Variants in CACNA1B observed in about 807,000 individuals in gnomAD.
CACNA1B encodes the protein calcium voltage-gated channel subunit alpha1 B.
In CACNA1B, 70 loss-of-function variants were observed where a neutral mutation model predicts 247.2. The observed-to-expected ratio is 0.28, with a 90% confidence interval of 0.23 to 0.35. The LOEUF is 0.35. Among genes scored for constraint, CACNA1B ranks in the 10% least tolerant of loss-of-function variants. The pLI, the probability that CACNA1B is intolerant of heterozygous loss-of-function variation, is 1.00. For synonymous variants in CACNA1B, 1,231 were observed against 1,294.4 expected (o/e 0.95, Z 1.05); for missense variants, 2,367 against 3,197.4 (o/e 0.74, Z 6.26).
chr9:137,939,718 G>A (rs1957709402), intron 6 of CACNA1B, among the ~76,000 whole-genome samples: 1 of 151,840 alleles, frequency 6.6e-6, no homozygotes, highest in Non-Finnish European at 1.5e-5. Flanking sequence ...AAGGAGAATG[G>A]CATGAACCCG....
Position 138,120,250 on chromosome 9 carries a change from C to T in CACNA1B, c.6116C>T (p.Pro2039Leu), listed in dbSNP as rs199894458. The T allele has an allele frequency of 3.6e-5, 58 of 1,603,724 alleles. No individual in the cohort carries two copies. The highest frequency in any genetic ancestry group is 1.0e-4 in the Admixed American group (6 of 59,322). The change falls in exon 45 of 47, where the codon CCG (proline) becomes CTG (leucine). Residue 2039 changes from proline (P) to leucine (L), a missense_variant. This residue lies in a region of CACNA1B where 773 missense variants were observed against 779.4 expected (regional missense o/e 0.99). Coordinates refer to ENST00000371372, the MANE Select transcript of CACNA1B (RefSeq NM_000718.4). ...GGGACTCATCTTTGCAGCACCACCC[C>T]GGACCGCCCACCCCCTAGCCAGGCG... The part of the protein sequence containing the change: ...PRGTHLCSTT[P>L]DRPPPSQASS...
chr9:137,908,373 A>G (rs1957320543), intron 3 of CACNA1B, among the ~76,000 whole-genome samples: 1 of 151,756 alleles, frequency 6.6e-6, no homozygotes, highest in Non-Finnish European at 1.5e-5. Context: ...AAAATTAGCC[A>G]GGTATGGTGG....
At chr9:137,911,825 G>C (rs547280226) in intron 3 of CACNA1B, among the ~76,000 whole-genome samples, 1 of 152,192 alleles carries the variant, frequency 6.6e-6, no homozygotes, top group Non-Finnish European at 1.5e-5. Flanking sequence ...CCCTGGATGC[G>C]CGTTAGAGGC....
intron 31 of CACNA1B, among the ~76,000 whole-genome samples, chr9:138,064,647 C>G (rs1959850998): frequency 6.6e-6 from 1 of 152,234 alleles, no homozygotes; most frequent in African/African-American, 2.4e-5. Context: ...GGCTGATTAG[C>G]CACCACTGTG....
intron 6 of CACNA1B, among the ~76,000 whole-genome samples, chr9:137,931,939 C>T (rs1303395693): frequency 1.3e-5 from 2 of 152,170 alleles, no homozygotes; most frequent in African/African-American, 4.8e-5. Context: ...CCCCATGACT[C>T]AGACAGCTGT....
intron 10 of CACNA1B, among the ~76,000 whole-genome samples, chr9:137,960,340 G>T (rs370485439): frequency 2.0e-5 from 3 of 147,590 alleles, no homozygotes; most frequent in Admixed American, 6.8e-5. Context: ...GTAGGGGAGC[G>T]GGAAGGGGAG....
chr9:137,877,813 C>G lies in CACNA1B; in HGVS notation c.-121C>G. 1 of 455,210 alleles carries G rather than the reference C, an allele frequency of 2.2e-6. No individual in the cohort carries two copies. Among genetic ancestry groups the G allele is most frequent in the East Asian group, 1.5e-4 (1 of 6,650 alleles). 28.2% of individuals were successfully genotyped at this position (455,210 alleles called of 1,614,324 possible). On this transcript the variant is annotated 5_prime_UTR_variant, in exon 1 of 47. Coordinates refer to ENST00000371372, the MANE Select transcript of CACNA1B (RefSeq NM_000718.4). ...GGCGGCGGCGGCTGCGGCGGTGGGG[C>G]CGGGCGAGGTCCGCTGCGGTCCCGG...
At position 138,054,493 on chromosome 9, in the gene CACNA1B, C is replaced by T. The variant is rs1309720216; in HGVS notation, c.3968+487C>T. Among the ~76,000 whole-genome samples the T allele has an allele frequency of 3.3e-5, 5 of 152,228 alleles. No homozygotes were observed. Among genetic ancestry groups the T allele is most frequent in the African/African-American group, 1.2e-4 (5 of 41,464 alleles). On this transcript the variant is annotated intron_variant, in intron 26 of 46. Transcript: ENST00000371372. This position sits in a 1 kb window ranked among gnomAD's most constrained non-coding sequence, Gnocchi z 4.6. ...AGCTGGGGGAAAGCTGGTTAGCTGC[C>T]TGTGTGGACCCCGGGCAAGGCAGTA...
At chr9:138,005,980 T>C (rs1000873445) in intron 15 of CACNA1B, among the ~76,000 whole-genome samples, 4 of 150,044 alleles carry the variant, frequency 2.7e-5, no homozygotes, top group Admixed American at 2.7e-4. Flanking sequence ...GAGACGGAGC[T>C]TGCAGTGAGC....
chr9:138,017,299 A>G (rs1254242415), intron 18 of CACNA1B: 1 of 470,036 alleles, frequency 2.1e-6, no homozygotes, highest in African/African-American at 2.0e-5. Flanking sequence ...ACCGCAAGTC[A>G]TTTGCTTCAT....
At chr9:138,041,951 G>A (rs1959129188) in intron 20 of CACNA1B, among the ~76,000 whole-genome samples, 1 of 151,888 alleles carries the variant, frequency 6.6e-6, no homozygotes, top group Non-Finnish European at 1.5e-5. Flanking sequence ...GTAGAAACAG[G>A]GTCTGTCACC....
intron 15 of CACNA1B, among the ~76,000 whole-genome samples, chr9:137,991,665 A>C (rs925397826): frequency 2.0e-5 from 3 of 152,228 alleles, no homozygotes; most frequent in Non-Finnish European, 1.5e-5. Context: ...TGAAGGAAAA[A>C]TCTTAAGAGC....
chr9:138,118,260 C>G (rs1391582916), intron 43 of CACNA1B, among the ~76,000 whole-genome samples, 179 bp downstream of exon 43: 5 of 22,002 alleles, frequency 2.3e-4, no homozygotes, highest in Non-Finnish European at 7.5e-5. Context: ...TGTGTGAGAC[C>G]AGGGTGGGGG....
chr9:138,040,391 G>C (rs2133465087), intron 20 of CACNA1B, among the ~76,000 whole-genome samples: 1 of 151,770 alleles, frequency 6.6e-6, no homozygotes, highest in African/African-American at 2.4e-5. Context: ...ATATATGACT[G>C]ATCTTAATCC....
Position 138,121,407 on chromosome 9 carries a change from G to A in CACNA1B, c.6490-62G>A. On this transcript the variant is annotated intron_variant, in intron 46 of 46. Coordinates refer to ENST00000371372, the MANE Select transcript of CACNA1B (RefSeq NM_000718.4). The surrounding 1 kb of genome is among the most constrained non-coding windows in gnomAD (Gnocchi z 6.8). Reference sequence around the variant, plus strand: ...CACCTGTGTGTGATGTGCTCTGTCTGTTGGTTCGGCTTTTTTTTTTTTTTT... The same window carrying A: ...CACCTGTGTGTGATGTGCTCTGTCTATTGGTTCGGCTTTTTTTTTTTTTTT... 2 of 1,292,916 alleles carry A rather than the reference G, an allele frequency of 1.5e-6. No homozygotes were observed. The highest frequency in any genetic ancestry group is 2.6e-5 in the Admixed American group (1 of 38,662). 80.1% of individuals were successfully genotyped at this position (1,292,916 alleles called of 1,614,324 possible).
chr9:138,001,912 G>C (rs1444441250), intron 15 of CACNA1B, among the ~76,000 whole-genome samples: 1 of 152,216 alleles, frequency 6.6e-6, no homozygotes, highest in African/African-American at 2.4e-5. Context: ...TTAAGGAGCT[G>C]TATGTGTGCA....
chr9:138,115,672 G>C lies in CACNA1B; in HGVS notation c.5770G>C (p.Gly1924Arg), dbSNP rs768799057. The change falls in exon 42 of 47, where the codon GGG (glycine) becomes CGG (arginine). Residue 1924 changes from glycine (G) to arginine (R), a missense_variant. Physicochemically the swap from Gly to Arg is moderately radical, Grantham distance 125. This residue lies in a region of CACNA1B where 773 missense variants were observed against 779.4 expected (regional missense o/e 0.99). Transcript: ENST00000371372. Reference protein sequence around the residue: ...QKSSTSLSNGGAIQNQESGIK... With the variant: ...QKSSTSLSNGRAIQNQESGIK... Reference sequence around the variant, plus strand: ...GAGTTCCACCTCCCTCAGCAATGGCGGGGCCATGTGAGTATCCAGATGCAG... The same window carrying C: ...GAGTTCCACCTCCCTCAGCAATGGCCGGGCCATGTGAGTATCCAGATGCAG... The C allele has an allele frequency of 6.2e-7, 1 of 1,612,448 alleles. No individual in the cohort carries two copies. The highest frequency in any genetic ancestry group is 1.3e-5 in the African/African-American group (1 of 74,910).
chr9:137,961,841 T>C (rs1422088321), intron 10 of CACNA1B, among the ~76,000 whole-genome samples: 7 of 152,322 alleles, frequency 4.6e-5, no homozygotes, highest in African/African-American at 1.4e-4. Flanking sequence ...CCTGAAGTTT[T>C]CTTTTTTTGT....
intron 6 of CACNA1B, among the ~76,000 whole-genome samples, chr9:137,949,168 T>A (rs1334429514): frequency 3.3e-3 from 4 of 1,228 alleles, no homozygotes; most frequent in East Asian, 0.022. Flanking sequence ...GTGTGTGCGC[T>A]TGTGTGTCCA....
Sources: allele counts gnomAD v4.1 joint callset (sites outside exome capture counted in the v4.1 genomes callset), GRCh38; gene constraint gnomAD v4.1.1; regional missense constraint gnomAD v4.1.1; non-coding constraint Gnocchi (gnomAD v3.1); transcripts MANE v1.5; gene names NCBI Gene and HGNC (gene_info 2026-07-23, HGNC 2026-07-21).